The following RREB1 variants were observed in gnomAD, a reference collection of about 807,000 sequenced individuals.
The protein encoded by RREB1 is ras-responsive element-binding protein 1.
A neutral mutation model predicts 117.8 loss-of-function variants in RREB1; 27 were observed. That is an observed-to-expected ratio of 0.23 (90% CI 0.17 to 0.32). The LOEUF (loss-of-function observed/expected upper bound fraction) is 0.32, where lower values mean the gene tolerates loss of function less well. RREB1 is among the 10% of genes least tolerant of loss of function. The pLI, the probability that RREB1 is intolerant of heterozygous loss-of-function variation, is 1.00. For missense variants in RREB1, 2,577 were observed against 2,378.2 expected, an observed-to-expected ratio of 1.08 and a Z score of -1.74; for synonymous variants, 1,298 against 1,026.7, an observed-to-expected ratio of 1.26 and a Z score of -5.05.
chr6:7,237,721 C>T (rs1768427037), intron 10 of RREB1, among the ~76,000 whole-genome samples: 1 of 152,160 alleles, frequency 6.6e-6, no homozygotes, highest in East Asian at 1.9e-4. Flanking sequence ...TTGAAACCTG[C>T]GTTATTATAA....
At chr6:7,232,135 C>G (rs1467380832) in intron 10 of RREB1, among the ~76,000 whole-genome samples, 1 of 152,220 alleles carries the variant, frequency 6.6e-6, no homozygotes, top group Middle Eastern at 3.2e-3. Context: ...GGGCAGCATT[C>G]TACTAAGTGT....
chr6:7,243,925 A>T (rs1706445626), intron 11 of RREB1, among the ~76,000 whole-genome samples: 1 of 152,046 alleles, frequency 6.6e-6, no homozygotes, highest in Non-Finnish European at 1.5e-5. Flanking sequence ...AGTCTAGGAT[A>T]TACTGGGGAC....
At chr6:7,162,512 T>C (rs776596760) in intron 1 of RREB1, among the ~76,000 whole-genome samples, 3 of 151,956 alleles carry the variant, frequency 2.0e-5, no homozygotes, top group Admixed American at 6.6e-5. Flanking sequence ...GAAATTTCCC[T>C]CTCTGTGTTT....
intron 1 of RREB1, among the ~76,000 whole-genome samples, chr6:7,163,377 A>C (rs2113469864): frequency 6.6e-6 from 1 of 152,042 alleles, no homozygotes; most frequent in Non-Finnish European, 1.5e-5. Context: ...CTTTGACTTC[A>C]GCGTTTTATT....
chr6:7,166,401 T>C (rs1286525198), intron 1 of RREB1, among the ~76,000 whole-genome samples: 1 of 152,266 alleles, frequency 6.6e-6, no homozygotes, highest in African/African-American at 2.4e-5. Flanking sequence ...GCATTTGTTT[T>C]CCTTCATATG....
chr6:7,223,658 T>C (rs2113076129), intron 8 of RREB1, among the ~76,000 whole-genome samples: 1 of 151,844 alleles, frequency 6.6e-6, no homozygotes, highest in East Asian at 1.9e-4. Context: ...GTCTATTTGG[T>C]AATGTGCCTG....
rs762988922 is a variant in RREB1, at chr6:7,231,472, G to C, written c.3373G>C (p.Glu1125Gln). ...CCCCGCTGCCACCACCAGCCCAAAAGAGTCTAGTGAGCCTCCCGCTCCAGC... is the reference window on the plus strand; with the variant it reads ...CCCCGCTGCCACCACCAGCCCAAAACAGTCTAGTGAGCCTCCCGCTCCAGC... ...ATPAATTSPK[E>Q]SSEPPAPASS... is the part of the protein sequence containing the mutation. The change falls in exon 10 of 13, where the codon GAG (glutamate) becomes CAG (glutamine). Residue 1125 changes from glutamate (E) to glutamine (Q), a missense_variant. Glu to Gln is a conservative substitution (Grantham distance 29). Transcript: ENST00000379938. The C allele has an allele frequency of 4.1e-5, 66 of 1,612,678 alleles. No individual in the cohort carries two copies. Among genetic ancestry groups the C allele is most frequent in the Non-Finnish European group, 5.1e-5 (60 of 1,179,634 alleles).
chr6:7,161,365 A>C (rs375452340), intron 1 of RREB1, among the ~76,000 whole-genome samples: 1 of 152,206 alleles, frequency 6.6e-6, no homozygotes, highest in South Asian at 2.1e-4. Flanking sequence ...ACCATCCCAG[A>C]TCACCTTTAT....
At chr6:7,178,564 C>T (rs1016230796) in intron 2 of RREB1, among the ~76,000 whole-genome samples, 1 of 152,232 alleles carries the variant, frequency 6.6e-6, no homozygotes, top group African/African-American at 2.4e-5. Context: ...GAAGGAAGAA[C>T]TCAAATAGAA....
chr6:7,222,158 A>C (rs546846694), intron 8 of RREB1, among the ~76,000 whole-genome samples: 1 of 152,328 alleles, frequency 6.6e-6, no homozygotes, highest in South Asian at 2.1e-4. Flanking sequence ...ACGTTTCTAG[A>C]TAGCAGATTC....
At chr6:7,166,280 C>T (rs1194582128) in intron 1 of RREB1, among the ~76,000 whole-genome samples, 2 of 152,242 alleles carry the variant, frequency 1.3e-5, no homozygotes, top group African/African-American at 4.8e-5. Flanking sequence ...CCCATCCTGC[C>T]TGCTAGTCAT....
chr6:7,191,711 A>T (rs546693248), intron 6 of RREB1, among the ~76,000 whole-genome samples: 72 of 152,228 alleles, frequency 4.7e-4, no homozygotes, highest in Non-Finnish European at 6.6e-4. Flanking sequence ...TAAGTATTTT[A>T]TTATTTTTGG....
Position 7,230,014 on chromosome 6 carries a change from C to A in RREB1, c.1915C>A (p.Arg639Ser). 6.2e-7 allele frequency: 1 copy of A among 1,609,968 alleles called. No individual in the cohort carries two copies. Among genetic ancestry groups the A allele is most frequent in the Non-Finnish European group, 8.5e-7 (1 of 1,177,330 alleles). The change falls in exon 10 of 13, where the codon CGC becomes AGC. Residue 639 changes from arginine to serine, a missense_variant. Coordinates refer to ENST00000379938, the MANE Select transcript of RREB1 (RefSeq NM_001003699.4). ...APGGKKTPAM[R>S]KVLYPCRFCN... ...CGGCGGCAAGAAGACGCCCGCCATG[C>A]GCAAGGTGCTCTACCCCTGCCGCTT...
chr6:7,201,504 C>A (rs372224128), intron 6 of RREB1, among the ~76,000 whole-genome samples: 3 of 142,706 alleles, frequency 2.1e-5, no homozygotes, highest in Non-Finnish European at 3.1e-5. Context: ...TCCCCCCCCC[C>A]CAACCCCCAT....
chr6:7,126,293 C>CAA (rs1761923057), intron 1 of RREB1, among the ~76,000 whole-genome samples: 1 of 151,924 alleles, frequency 6.6e-6, no homozygotes, highest in Non-Finnish European at 1.5e-5. Flanking sequence ...AGCCACTGCG[C>CAA]CCGGCCTCGA....
intron 10 of RREB1, among the ~76,000 whole-genome samples, chr6:7,235,197 G>A (rs1445051368): frequency 6.6e-6 from 1 of 152,158 alleles, no homozygotes; most frequent in African/African-American, 2.4e-5. Flanking sequence ...GGAGCACTTG[G>A]CTACATCCAG....
intron 8 of RREB1, among the ~76,000 whole-genome samples, chr6:7,219,963 C>T (rs1767141506): frequency 6.6e-6 from 1 of 152,208 alleles, no homozygotes; most frequent in African/African-American, 2.4e-5. Flanking sequence ...AGGATAAGTG[C>T]AGGCAGCTGC....
At position 7,231,477 on chromosome 6, in the gene RREB1, T is replaced by G; in HGVS notation, c.3378T>G (p.Ser1126=). ...CTGCCACCACCAGCCCAAAAGAGTCTAGTGAGCCTCCCGCTCCAGCCAGCA... is the reference window on the plus strand; with the variant it reads ...CTGCCACCACCAGCCCAAAAGAGTCGAGTGAGCCTCCCGCTCCAGCCAGCA... The part of the protein sequence containing the change: ...TPAATTSPKE[S]SEPPAPASSP... Residue 1126 remains serine (S), a synonymous_variant, in exon 10 of 13, where the codon TCT becomes TCG. Coordinates refer to ENST00000379938, the MANE Select transcript of RREB1 (RefSeq NM_001003699.4). 1 of 1,612,168 alleles carries G rather than the reference T, an allele frequency of 6.2e-7. No homozygotes were observed. Among genetic ancestry groups the G allele is most frequent in the South Asian group, 1.1e-5 (1 of 90,992 alleles).
chr6:7,121,138 T>A (rs1761663763), intron 1 of RREB1, among the ~76,000 whole-genome samples: 1 of 152,182 alleles, frequency 6.6e-6, no homozygotes. Context: ...TTTGTATTTT[T>A]TTGTAAAGAT....
Sources: allele counts gnomAD v4.1 joint callset (sites outside exome capture counted in the v4.1 genomes callset), GRCh38; gene constraint gnomAD v4.1.1; transcripts MANE v1.5; gene names NCBI Gene and HGNC (gene_info 2026-07-23, HGNC 2026-07-21).